The following CFAP47 variants were observed in gnomAD, a reference collection of about 807,000 sequenced individuals.
CFAP47 encodes cilia and flagella associated protein 47.
In CFAP47, 29 loss-of-function variants were observed where a neutral mutation model predicts 148.1. The observed-to-expected ratio is 0.20, with a 90% CI of 0.15 to 0.27. The LOEUF (loss-of-function observed/expected upper bound fraction) is 0.27. Ranked by LOEUF, CFAP47 falls within the 10% of genes least tolerant of loss-of-function variation. The pLI is 1.00. For synonymous variants in CFAP47, 664 were observed against 577.3 expected (o/e 1.15, Z -2.15); for missense variants, 1,872 against 1,697.5 (o/e 1.10, Z -1.81).
chrX:36,143,899 A>G (rs1471869694), intron 35 of CFAP47, among the ~76,000 whole-genome samples: 1 of 110,934 alleles, frequency 9.0e-6, no homozygotes, highest in Non-Finnish European at 1.9e-5. Context: ...TTATTATGTT[A>G]TTTCTTGTTC....
intron 57 of CFAP47, among the ~76,000 whole-genome samples, chrX:36,336,236 GACACACAGACACACAC>G (rs1453646068): frequency 4.5e-4 from 14 of 31,238 alleles, no homozygotes; most frequent in Non-Finnish European, 8.1e-4. Context: ...CTCTGTCACA[GACACACAGACACACAC>G]ACACACACAC....
At chrX:36,184,749 T>A (rs960480650) in intron 40 of CFAP47, among the ~76,000 whole-genome samples, 6 of 110,536 alleles carry the variant, frequency 5.4e-5, no homozygotes, top group Non-Finnish European at 9.5e-5. Flanking sequence ...GCCTGACCAA[T>A]ATGGTGACGC....
chrX:36,364,599 A>C (rs1941856210), intron 61 of CFAP47, among the ~76,000 whole-genome samples: 1 of 109,702 alleles, frequency 9.1e-6, no homozygotes, highest in Non-Finnish European at 1.9e-5. Flanking sequence ...CATTTGAGCC[A>C]GAGAAAATAA....
chrX:36,058,845 A>G (rs929163382), intron 26 of CFAP47, among the ~76,000 whole-genome samples: 1 of 111,665 alleles, frequency 9.0e-6, no homozygotes, highest in African/African-American at 3.3e-5. Context: ...CTAATTTCCT[A>G]TGGTCATTTC....
At chrX:36,082,461 C>G (rs1938000959) in intron 29 of CFAP47, among the ~76,000 whole-genome samples, 1 of 111,909 alleles carries the variant, frequency 8.9e-6, no homozygotes, top group Non-Finnish European at 1.9e-5. Flanking sequence ...CTATTCTTTT[C>G]AAGCTGGGTG....
Position 36,278,404 on chromosome X carries a change from G to A in CFAP47, c.7445-2083G>A, listed in dbSNP as rs782726573. ...GCGTGGGACCCGCCAAGCCAGTCGTGGGATATAATCTCCTGGTGTGCCATT... is the reference window on the plus strand; with the variant it reads ...GCGTGGGACCCGCCAAGCCAGTCGTAGGATATAATCTCCTGGTGTGCCATT... On this transcript the variant is annotated intron_variant, in intron 49 of 63. Transcript: ENST00000378653. Among the ~76,000 whole-genome samples, 174 of 113,097 alleles carry A rather than the reference G, an allele frequency of 1.5e-3. 1 individual carries two copies. Among genetic ancestry groups the A allele is most frequent in the African/African-American group, 5.1e-3 (159 of 31,181 alleles).
intron 57 of CFAP47, among the ~76,000 whole-genome samples, chrX:36,336,683 A>G: frequency 8.9e-6 from 1 of 112,189 alleles, no homozygotes; most frequent in Middle Eastern, 4.6e-3. Context: ...AGAAACATTT[A>G]TGTTTTCTTT....
At chrX:36,259,071 A>C (rs1474907559) in intron 49 of CFAP47, among the ~76,000 whole-genome samples, 1 of 111,236 alleles carries the variant, frequency 9.0e-6, no homozygotes, top group Admixed American at 9.6e-5. Context: ...ATGGAAATAT[A>C]TGAAAACTGT....
intron 63 of CFAP47, among the ~76,000 whole-genome samples, chrX:36,382,262 G>C (rs923417612): frequency 1.8e-5 from 2 of 111,272 alleles, no homozygotes; most frequent in Non-Finnish European, 1.9e-5. Flanking sequence ...ATACCTCAGA[G>C]TTTTCACACC....
chrX:36,020,675 T>C (rs1259891079), intron 22 of CFAP47, among the ~76,000 whole-genome samples: 1 of 111,999 alleles, frequency 8.9e-6, no homozygotes, highest in Non-Finnish European at 1.9e-5. Flanking sequence ...TTTTGGTTTC[T>C]GTTGGAATGA....
At chrX:36,248,435 A>G (rs1259585024) in intron 48 of CFAP47, among the ~76,000 whole-genome samples, 6 of 104,889 alleles carry the variant, frequency 5.7e-5, no homozygotes, top group Non-Finnish European at 7.8e-5. Context: ...GATATATAAT[A>G]TAATTTTATT....
chrX:36,009,889 T>C (rs1937019961), intron 21 of CFAP47, among the ~76,000 whole-genome samples: 1 of 111,637 alleles, frequency 9.0e-6, no homozygotes, highest in South Asian at 3.7e-4. Context: ...TCTGAACCCA[T>C]CAATGCTTGT....
intron 39 of CFAP47, among the ~76,000 whole-genome samples, chrX:36,164,698 C>T (rs1278924876): frequency 1.8e-5 from 2 of 111,491 alleles, no homozygotes; most frequent in Non-Finnish European, 1.9e-5. Flanking sequence ...TGCAAACACC[C>T]ATGATATCAT....
chrX:35,998,276 T>C (rs1962766098), intron 19 of CFAP47, among the ~76,000 whole-genome samples: 1 of 111,455 alleles, frequency 9.0e-6, no homozygotes, highest in Admixed American at 9.6e-5. Flanking sequence ...CTATAATTGA[T>C]AGAGTGCACA....
At chrX:36,234,453 C>T (rs954086918) in intron 46 of CFAP47, among the ~76,000 whole-genome samples, 7 of 112,237 alleles carry the variant, frequency 6.2e-5, no homozygotes, top group African/African-American at 2.3e-4. Flanking sequence ...CAAGCCTTGG[C>T]TTTCAGCTCC....
chrX:36,304,223 A>C (rs1018859406), intron 54 of CFAP47, among the ~76,000 whole-genome samples: 24 of 110,099 alleles, frequency 2.2e-4, no homozygotes, highest in African/African-American at 7.9e-4. Flanking sequence ...CTCTACTAAA[A>C]ATACAAAAAT....
chrX:35,941,252 T>A, intron 2 of CFAP47, 31 bp from the exon 3 acceptor site: 1 of 814,819 alleles, frequency 1.2e-6, no homozygotes, highest in Non-Finnish European at 1.8e-6. Flanking sequence ...ATTGTTAAAT[T>A]AATTATGTGG....
chrX:36,267,262 G>A (rs1465327318), intron 49 of CFAP47, among the ~76,000 whole-genome samples: 1 of 110,901 alleles, frequency 9.0e-6, no homozygotes, highest in African/African-American at 3.3e-5. Flanking sequence ...GGGCATATGG[G>A]GGATTTGGAA....
At chrX:36,036,464 A>G (rs763646612) in intron 24 of CFAP47, among the ~76,000 whole-genome samples, 1 of 110,959 alleles carries the variant, frequency 9.0e-6, no homozygotes, top group African/African-American at 3.3e-5. Context: ...CCATCAATGG[A>G]CACTTTTATA....
Sources: allele counts gnomAD v4.1 joint callset (sites outside exome capture counted in the v4.1 genomes callset), GRCh38; gene constraint gnomAD v4.1.1; transcripts MANE v1.5; gene names NCBI Gene and HGNC (gene_info 2026-07-23, HGNC 2026-07-21).